The following RALGDS variants were observed in gnomAD, a reference collection of about 807,000 sequenced individuals.
The protein encoded by RALGDS is ral guanine nucleotide exchange factor.
In RALGDS, 44 loss-of-function variants were observed where a neutral mutation model predicts 99.8. The ratio of observed to expected loss-of-function variants is 0.44; its 90% CI spans 0.35 to 0.57. RALGDS has a LOEUF of 0.57. Ranked by LOEUF, RALGDS falls within the 20% of genes least tolerant of loss-of-function variation. RALGDS has a pLI of 0.01. For synonymous variants in RALGDS, 529 were observed against 505.0 expected (o/e 1.05, Z -0.64); for missense variants, 1,022 against 1,203.1 (o/e 0.85, Z 2.23).
chr9:133,129,594 G>T (rs996679248), intron 1 of RALGDS, among the ~76,000 whole-genome samples: 15 of 152,122 alleles, frequency 9.9e-5, no homozygotes, highest in Admixed American at 5.2e-4. Context: ...CTGTGTCGGG[G>T]GCCTGGAAAC....
At chr9:133,132,869 C>A (rs986068933), upstream of RALGDS, among the ~76,000 whole-genome samples, 1 of 152,106 alleles carries the variant, frequency 6.6e-6, no homozygotes, top group Non-Finnish European at 1.5e-5. Flanking sequence ...AAACTCCTGA[C>A]GTCGAGATCC....
chr9:133,103,780 C>T lies in RALGDS; in HGVS notation c.1725G>A (p.Val575=). Residue 575 remains valine, a synonymous_variant, in exon 11 of 18, where the codon GTG becomes GTA. Coordinates refer to ENST00000372050, the MANE Select transcript of RALGDS (RefSeq NM_006266.4). The part of the protein sequence containing the change: ...PYLGTFLTDL[V]MLDTAMKDYL... ...AGTCCTTCATGGCAGTGTCCAGCAT[C>T]ACCAGGTCGGTGAGGAACGTGCCCA... 6.2e-7 allele frequency: 1 copy of T among 1,613,462 alleles called. No individual in the cohort carries two copies. The highest frequency in any genetic ancestry group is 1.1e-5 in the South Asian group (1 of 91,070).
upstream of RALGDS, among the ~76,000 whole-genome samples, chr9:133,121,459 C>G (rs1014885855): frequency 6.6e-6 from 1 of 152,106 alleles, no homozygotes; most frequent in African/African-American, 2.4e-5. Flanking sequence ...TCGAGGGGTG[C>G]GCGTTGGCTG....
Position 133,098,234 on chromosome 9 carries a change from G to A in RALGDS, c.*353C>T, listed in dbSNP as rs923104217. On this transcript the variant is annotated 3_prime_UTR_variant, in exon 18 of 18. Transcript: ENST00000372050. ...CAGTGGGTGCTCTGGGGTGCCCATG[G>A]GCACAGGTGGCAGTGACCCACACCT... The A allele has an allele frequency of 4.0e-5, 17 of 423,252 alleles. No individual in the cohort carries two copies. The East Asian group carries it at 4.2e-4, about 10-fold the overall frequency. The allele number at this position is 423,252 out of a possible 1,614,324, so 26.2% of individuals were successfully genotyped here.
intron 1 of RALGDS, among the ~76,000 whole-genome samples, chr9:133,117,692 A>G (rs909450249): frequency 2.6e-5 from 4 of 152,224 alleles, no homozygotes; most frequent in African/African-American, 9.6e-5. Context: ...CTGGGAACAC[A>G]GTGATTCTGG....
chr9:133,098,394 C>T lies in RALGDS; in HGVS notation c.*193G>A, dbSNP rs574822286. On this transcript the variant is annotated 3_prime_UTR_variant, in exon 18 of 18. Transcript: ENST00000372050. ...AGAGAGCAGAAGGCACCTAAGGCAG[C>T]GAGTGGTCCACGGGAGGCCAGGTCA... 35 of 624,014 alleles carry T rather than the reference C, an allele frequency of 5.6e-5. No individual in the cohort carries two copies. The highest frequency in any genetic ancestry group is 4.6e-4 in the South Asian group (24 of 52,390). The allele number at this position is 624,014 out of a possible 1,614,324, so 38.7% of individuals were successfully genotyped here.
rs764119929 is a variant in RALGDS, at chr9:133,102,024, C to A, written c.2125G>T (p.Val709Leu). The change falls in exon 15 of 18, where the codon GTG becomes TTG. Residue 709 changes from valine to leucine, a missense_variant. Around this residue, in one of 3 missense-constraint regions of RALGDS, gnomAD observed 825 missense variants for 994.5 expected, o/e 0.83. Transcript: ENST00000372050. Reference sequence around the variant, plus strand: ...GAGCTAGAGGAGCCGGCCGAGTGCACGCTGAGCGCGTCAGCGATGTCCCCG... The same window carrying A: ...GAGCTAGAGGAGCCGGCCGAGTGCAAGCTGAGCGCGTCAGCGATGTCCCCG... ...SSGDIADALS[V>L]HSAGSSSSDV... 1.0e-5 allele frequency: 16 copies of A among 1,554,326 alleles called. No individual in the cohort carries two copies. The highest frequency in any genetic ancestry group is 9.7e-5 in the East Asian group (4 of 41,262).
rs1056154753 is a variant in RALGDS at position 133,102,770 on chromosome 9, C to G, written c.1913+9G>C. The G allele has an allele frequency of 6.2e-7, 1 of 1,610,572 alleles. No homozygotes were observed. The highest frequency in any genetic ancestry group is 8.5e-7 in the Non-Finnish European group (1 of 1,179,522). Reference sequence around the variant, plus strand: ...CCCCCACTGTCCCCATTTGCTGCCCCGGCCTCACCTCTCAGTCTCGCTGAG... The same window carrying G: ...CCCCCACTGTCCCCATTTGCTGCCCGGGCCTCACCTCTCAGTCTCGCTGAG... On this transcript the variant is annotated intron_variant, in intron 13 of 17. Coordinates refer to ENST00000372050, the MANE Select transcript of RALGDS (RefSeq NM_006266.4).
intron 1 of RALGDS, among the ~76,000 whole-genome samples, chr9:133,139,684 T>C (rs1172612303): frequency 6.6e-6 from 1 of 152,186 alleles, no homozygotes; most frequent in Non-Finnish European, 1.5e-5. Flanking sequence ...GGATTCAACT[T>C]AGGGCCTGCA....
chr9:133,110,237 A>G (rs1831276991), intron 3 of RALGDS, 59 bp downstream of exon 3: 2 of 1,515,724 alleles, frequency 1.3e-6, no homozygotes, highest in Non-Finnish European at 1.8e-6. Flanking sequence ...ACCCGCAGCC[A>G]GGTGGGGGTG....
In RALGDS at chr9:133,100,280, A is replaced by G. The variant is rs367835172; in HGVS notation, c.2557T>C (p.Ser853Pro). 18 of 1,614,002 alleles carry G rather than the reference A, an allele frequency of 1.1e-5. No individual in the cohort carries two copies. The highest frequency in any genetic ancestry group is 1.4e-5 in the Non-Finnish European group (17 of 1,179,996). The change falls in exon 17 of 18, where the codon TCA (serine) becomes CCA (proline). Residue 853 changes from serine to proline, a missense_variant. By Grantham distance (74) the Ser-to-Pro change is moderately conservative. This residue lies in a region of RALGDS where 825 missense variants were observed against 994.5 expected (regional missense o/e 0.83). Coordinates refer to ENST00000372050, the MANE Select transcript of RALGDS (RefSeq NM_006266.4). ...TCTTCTGACTTACTCCGGTCATCTG[A>G]GAGAATCTGCAGCAGCTCATAGTCC... ...PEDYELLQILSDDRKLKIPEN... is the reference protein window; with the variant it reads ...PEDYELLQILPDDRKLKIPEN...
chr9:133,099,680 T>C, intron 17 of RALGDS: 1 of 163,922 alleles, frequency 6.1e-6, no homozygotes, highest in Non-Finnish European at 1.3e-5. Flanking sequence ...ACATATAGAT[T>C]TTTACATATA....
upstream of RALGDS, among the ~76,000 whole-genome samples, chr9:133,132,887 T>C (rs1259644278): frequency 6.6e-6 from 1 of 152,164 alleles, no homozygotes; most frequent in East Asian, 1.9e-4. Context: ...TCCGCCCGCC[T>C]TGGCCTCCCA....
At chr9:133,116,529 G>A (rs751310166) in intron 1 of RALGDS, among the ~76,000 whole-genome samples, 2 of 152,218 alleles carry the variant, frequency 1.3e-5, no homozygotes, top group Non-Finnish European at 2.9e-5. Flanking sequence ...GGGCATCCAG[G>A]GTCCCTGTCC....
chr9:133,100,706 C>T (rs1830715577), intron 16 of RALGDS: 1 of 1,234,468 alleles, frequency 8.1e-7, no homozygotes, highest in Non-Finnish European at 1.0e-6. Context: ...ATAACAGCAT[C>T]ACTGAGCCTG....
chr9:133,131,787 T>TC (rs1376764187), upstream of RALGDS, among the ~76,000 whole-genome samples: 1 of 152,126 alleles, frequency 6.6e-6, no homozygotes, highest in Non-Finnish European at 1.5e-5. Context: ...GAAATTCTGA[T>TC]CCCCAGGGAC....
At chr9:133,148,892 G>C in intron 1 of RALGDS, 1 of 1,552,600 alleles carries the variant, frequency 6.4e-7, no homozygotes, top group South Asian at 1.2e-5. Context: ...CCCTCCCCCC[G>C]GTGGGTGTGG....
intron 10 of RALGDS, 23 bp downstream of exon 10, chr9:133,104,240 T>A: frequency 6.2e-7 from 1 of 1,603,060 alleles, no homozygotes; most frequent in Non-Finnish European, 8.5e-7. Context: ...CCCCTGCCCC[T>A]CCGCGGCCTT....
chr9:133,107,355 T>C, intron 6 of RALGDS, 55 bp from the exon 7 acceptor site: 1 of 1,477,516 alleles, frequency 6.8e-7, no homozygotes. Context: ...GGGCTGGTGC[T>C]GGGGAAGCTG....
Sources: gnomAD v4.1 joint callset for allele counts (sites outside exome capture counted in the v4.1 genomes callset) on GRCh38, gnomAD v4.1.1 for gene constraint, gnomAD v4.1.1 regional missense constraint, MANE v1.5 for transcripts, NCBI Gene and HGNC (gene_info 2026-07-23, HGNC 2026-07-21) for gene names.